The following LPAR3 variants were observed in gnomAD, a reference collection of about 807,000 sequenced individuals.
LPAR3 encodes the protein LPA receptor 3.
A neutral mutation model predicts 17.8 loss-of-function variants in LPAR3; 7 were observed. The ratio of observed to expected loss-of-function variants is 0.39; its 90% CI spans 0.22 to 0.74. The LOEUF (loss-of-function observed/expected upper bound fraction) is 0.74. Ranked by LOEUF, LPAR3 falls within the 30% of genes least tolerant of loss-of-function variation. The pLI is 0.40. For synonymous variants in LPAR3, 179 were observed against 179.9 expected (o/e 0.99, Z 0.04); for missense variants, 391 against 453.4 (o/e 0.86, Z 1.25).
At chr1:84,846,469 T>C (rs1192536116) in intron 2 of LPAR3, among the ~76,000 whole-genome samples, 1 of 152,230 alleles carries the variant, frequency 6.6e-6, no homozygotes, top group East Asian at 1.9e-4. Context: ...TACAAGTCCC[T>C]TCTCCCCTCT....
intron 1 of LPAR3, among the ~76,000 whole-genome samples, chr1:84,876,595 C>G (rs1418648496): frequency 6.6e-6 from 1 of 152,146 alleles, no homozygotes; most frequent in Non-Finnish European, 1.5e-5. Flanking sequence ...GGACACTGTA[C>G]CATCTCTTGT....
intron 1 of LPAR3, among the ~76,000 whole-genome samples, chr1:84,892,366 T>C (rs532666811): frequency 1.2e-3 from 183 of 152,312 alleles, no homozygotes; most frequent in South Asian, 3.9e-3. Flanking sequence ...GCGTGCGGAA[T>C]TTCTAAGCAA....
At chr1:84,877,509 C>A (rs1297616542) in intron 1 of LPAR3, among the ~76,000 whole-genome samples, 1 of 152,162 alleles carries the variant, frequency 6.6e-6, no homozygotes, top group Non-Finnish European at 1.5e-5. Flanking sequence ...ATAAGCTCTT[C>A]CATATTCCAC....
intron 1 of LPAR3, among the ~76,000 whole-genome samples, chr1:84,891,363 C>T (rs1660549131): frequency 6.6e-6 from 1 of 152,204 alleles, no homozygotes; most frequent in South Asian, 2.1e-4. Context: ...CAGATCTCCA[C>T]AGGATAACTA....
At chr1:84,883,422 T>C (rs1282465361) in intron 1 of LPAR3, among the ~76,000 whole-genome samples, 1 of 152,238 alleles carries the variant, frequency 6.6e-6, no homozygotes, top group South Asian at 2.1e-4. Flanking sequence ...GAGTCCCAGA[T>C]GAATGTGTAC....
At chr1:84,883,729 T>G (rs1017720923) in intron 1 of LPAR3, among the ~76,000 whole-genome samples, 10 of 152,134 alleles carry the variant, frequency 6.6e-5, no homozygotes, top group East Asian at 1.9e-4. Flanking sequence ...TTGTTTTTTT[T>G]TTTTTTAAAC....
chr1:84,865,550 A>G lies in LPAR3; in HGVS notation c.571T>C (p.Trp191Arg). 6.2e-7 allele frequency: 1 copy of G among 1,614,238 alleles called. No homozygotes were observed. Among genetic ancestry groups the G allele is most frequent in the South Asian group, 1.1e-5 (1 of 91,086 alleles). Residue 191 changes from tryptophan (W) to arginine (R), a missense_variant, in exon 2 of 3, where the codon TGG becomes CGG. Trp to Arg is a moderately radical substitution (Grantham distance 101). Transcript: ENST00000370611. ...AAGGCCATGAGGTTGGACACTGTCC[A>G]GAAAACAAGGTAACTCCTGCTGTAA... ...PIYSRSYLVF[W>R]TVSNLMAFLI...
intron 2 of LPAR3, among the ~76,000 whole-genome samples, chr1:84,834,531 G>T (rs955540530): frequency 1.6e-4 from 24 of 152,128 alleles, no homozygotes; most frequent in African/African-American, 5.5e-4. Flanking sequence ...CACCTTGTTT[G>T]CTTGGCAATT....
rs902556139 is a variant in LPAR3 at position 84,813,785 on chromosome 1, A to G, written c.*61T>C. The stretch of plus-strand genomic sequence containing the variant: ...TACATGGGCTTTGTTAGAGACAGGT[A>G]ATCATTCTTAACAGCTCTTTTCCCA... On this transcript the variant is annotated 3_prime_UTR_variant, in exon 3 of 3. Coordinates refer to ENST00000370611, the MANE Select transcript of LPAR3 (RefSeq NM_012152.3). The G allele has an allele frequency of 8.5e-6, 11 of 1,295,432 alleles. No individual in the cohort carries two copies. Among genetic ancestry groups the G allele is most frequent in the Non-Finnish European group, 1.2e-5 (11 of 914,828 alleles). The allele number at this position is 1,295,432 out of a possible 1,614,324, so 80.2% of individuals were successfully genotyped here. A position where few individuals can be genotyped will look rare whatever the true frequency, so the allele number is the denominator to read the frequency against.
chr1:84,865,507 A>C lies in LPAR3; in HGVS notation c.614T>G (p.Val205Gly). 1 of 1,614,196 alleles carries C rather than the reference A, an allele frequency of 6.2e-7. No individual in the cohort carries two copies. Among genetic ancestry groups the C allele is most frequent in the Non-Finnish European group, 8.5e-7 (1 of 1,180,048 alleles). ...GACGTACACGTAGATCCGCAGGTAC[A>C]CCACAACCATGATGAGGAAGGCCAT... ...NLMAFLIMVV[V>G]YLRIYVYVKR... is the part of the protein sequence containing the mutation. The change falls in exon 2 of 3, where the codon GTG becomes GGG. Residue 205 changes from valine to glycine, a missense_variant. Transcript: ENST00000370611.
chr1:84,849,372 CAAAAAAAAAAA>C (rs34239236), intron 2 of LPAR3, among the ~76,000 whole-genome samples: 3 of 77,548 alleles, frequency 3.9e-5, no homozygotes, highest in African/African-American at 1.1e-4. Flanking sequence ...AGACTCATCT[CAAAAAAAAAAA>C]AAAAAAAAAA....
chr1:84,824,213 G>T (rs891551603), intron 2 of LPAR3, among the ~76,000 whole-genome samples: 11 of 152,156 alleles, frequency 7.2e-5, no homozygotes, highest in African/African-American at 2.4e-4. Flanking sequence ...TCAGAGGAAA[G>T]GAGTATGAAT....
chr1:84,874,327 T>G (rs1280680017), intron 1 of LPAR3, among the ~76,000 whole-genome samples: 1 of 152,112 alleles, frequency 6.6e-6, no homozygotes, highest in Non-Finnish European at 1.5e-5. Flanking sequence ...CAGTGCAAGT[T>G]TTGGAGACCT....
intron 2 of LPAR3, among the ~76,000 whole-genome samples, chr1:84,856,883 A>C (rs1319629976): frequency 6.6e-6 from 1 of 152,222 alleles, no homozygotes; most frequent in Non-Finnish European, 1.5e-5. Context: ...AAGTGAAATG[A>C]ATTATTAATG....
At position 84,833,460 on chromosome 1, in the gene LPAR3, C is replaced by T. The variant is rs368561236; in HGVS notation, c.737-19289G>A. Among the ~76,000 whole-genome samples, 16 of 152,172 alleles carry T rather than the reference C, an allele frequency of 1.1e-4. 1 individual carries two copies. In the East Asian group the frequency reaches 1.4e-3, roughly 13 times the overall value. ...CCTCCTGGGATTGGTAAGGACTGAG[C>T]GAGAGAATGGATATAAGCCCTCCAG... On this transcript the variant is annotated intron_variant, in intron 2 of 2. Transcript: ENST00000370611.
intron 1 of LPAR3, among the ~76,000 whole-genome samples, chr1:84,876,573 C>T (rs1164443576): frequency 6.6e-6 from 1 of 152,156 alleles, no homozygotes; most frequent in Non-Finnish European, 1.5e-5. Flanking sequence ...CTCCTTGCTG[C>T]TTCTAGCTCG....
rs565409119 is a variant in LPAR3, at chr1:84,865,656, G to T, written c.465C>A (p.Ile155=). ...VTLLILLVWA[I]AIFMGAVPTL... ...TGGGGACCGCCCCCATAAAAATGGC[G>T]ATGGCCCAGACAAGCAAAATGAGCA... The change falls in exon 2 of 3, where the codon ATC becomes ATA. Residue 155 remains isoleucine, a synonymous_variant. Transcript: ENST00000370611. The T allele has an allele frequency of 1.2e-6, 2 of 1,614,134 alleles. No homozygotes were observed. Among genetic ancestry groups the T allele is most frequent in the South Asian group, 1.1e-5 (1 of 91,072 alleles).
intron 2 of LPAR3, among the ~76,000 whole-genome samples, chr1:84,845,286 C>T (rs1301197879): frequency 6.6e-6 from 1 of 152,192 alleles, no homozygotes; most frequent in Non-Finnish European, 1.5e-5. Context: ...TGTTAGCATT[C>T]TACCTGTATT....
chr1:84,846,688 C>T lies in LPAR3; in HGVS notation c.736+18697G>A, dbSNP rs114708025. On this transcript the variant is annotated intron_variant, in intron 2 of 2. Transcript: ENST00000370611. The stretch of plus-strand genomic sequence containing the variant: ...ATATTGTTTTCTCCTTTAGATCACA[C>T]CATTAAATTGCTTTCATTACCCACA... 8.9e-3 allele frequency among the ~76,000 whole-genome samples: 1,350 copies of T among 152,154 alleles called. 6 individuals carry two copies. The highest frequency in any genetic ancestry group is 0.013 in the Non-Finnish European group (917 of 67,988).
Sources: allele counts gnomAD v4.1 joint callset (sites outside exome capture counted in the v4.1 genomes callset), GRCh38; gene constraint gnomAD v4.1.1; transcripts MANE v1.5; gene names NCBI Gene and HGNC (gene_info 2026-07-23, HGNC 2026-07-21).